EDA: variants seen among roughly 807,000 people sequenced by gnomAD.
The protein encoded by EDA is ectodysplasin-A.
Under a neutral mutation model 23.6 loss-of-function variants are expected in EDA, and 2 were observed. The observed-to-expected ratio is 0.08, with a 90% CI of 0.03 to 0.27. The LOEUF (loss-of-function observed/expected upper bound fraction) is 0.27. EDA is among the 10% of genes least tolerant of loss of function. The probability of loss-of-function intolerance (pLI) is 1.00; values close to 1 mark genes in which losing one functional copy is unlikely to be tolerated. For synonymous variants in EDA, 131 were observed against 132.0 expected (o/e 0.99, Z 0.05); for missense variants, 229 against 324.2 (o/e 0.71, Z 2.26).
intron 1 of EDA, among the ~76,000 whole-genome samples, chrX:69,785,303 G>T (rs778303794): frequency 3.9e-5 from 3 of 77,342 alleles, no homozygotes; most frequent in South Asian, 1.3e-3. Flanking sequence ...CTGCCTAATT[G>T]CCCTGGCCAG....
intron 2 of EDA, among the ~76,000 whole-genome samples, chrX:70,018,491 C>T (rs202098150): frequency 2.7e-5 from 3 of 110,150 alleles, no homozygotes; most frequent in Non-Finnish European, 5.8e-5. Flanking sequence ...TGGTACAGAT[C>T]GAACAATGGA....
chrX:69,896,185 A>T (rs1185646791), intron 1 of EDA, among the ~76,000 whole-genome samples: 1 of 110,899 alleles, frequency 9.0e-6, no homozygotes, highest in African/African-American at 3.3e-5. Flanking sequence ...CTCTCTGTAG[A>T]TTCTAATCTC....
intron 1 of EDA, chrX:69,670,311 T>C (rs1295741026): frequency 2.7e-6 from 1 of 374,170 alleles, no homozygotes; most frequent in Non-Finnish European, 4.6e-6. Context: ...ACTTGACATT[T>C]TTCTCTTGCT....
At chrX:69,838,682 T>C (rs1273542201) in intron 1 of EDA, among the ~76,000 whole-genome samples, 1 of 112,751 alleles carries the variant, frequency 8.9e-6, no homozygotes, top group Non-Finnish European at 1.9e-5. Flanking sequence ...GTCTGGGTCC[T>C]GCTACAGCAC....
intron 2 of EDA, among the ~76,000 whole-genome samples, chrX:69,965,178 T>G (rs1162758060): frequency 1.8e-5 from 2 of 111,685 alleles, no homozygotes; most frequent in Non-Finnish European, 3.8e-5. Context: ...GATGCTATAG[T>G]TAGCCAAATG....
At chrX:69,752,876 A>C (rs1569318898) in intron 1 of EDA, among the ~76,000 whole-genome samples, 1 of 112,055 alleles carries the variant, frequency 8.9e-6, no homozygotes, top group Non-Finnish European at 1.9e-5. Context: ...AGGTGTTTAT[A>C]GTATTCTCTG....
At chrX:69,771,776 C>T (rs2014646166) in intron 1 of EDA, among the ~76,000 whole-genome samples, 2 of 111,829 alleles carry the variant, frequency 1.8e-5, no homozygotes, top group Non-Finnish European at 3.8e-5. Flanking sequence ...GCATGAATCA[C>T]TCTACCAGTG....
chrX:69,960,110 G>A (rs2019077990), intron 2 of EDA, among the ~76,000 whole-genome samples: 1 of 111,691 alleles, frequency 9.0e-6, no homozygotes, highest in African/African-American at 3.3e-5. Flanking sequence ...TGTTTTAACA[G>A]CATTCCTCTG....
chrX:69,911,577 A>G (rs2018266892), intron 1 of EDA, among the ~76,000 whole-genome samples: 1 of 111,910 alleles, frequency 8.9e-6, no homozygotes, highest in Admixed American at 9.5e-5. Flanking sequence ...GGCACACCTC[A>G]GAGATATATT....
At chrX:69,805,917 A>G (rs1490945522) in intron 1 of EDA, among the ~76,000 whole-genome samples, 1 of 111,859 alleles carries the variant, frequency 8.9e-6, no homozygotes, top group East Asian at 2.8e-4. Flanking sequence ...AAGATGAACT[A>G]ACTGAGATTT....
intron 1 of EDA, among the ~76,000 whole-genome samples, chrX:69,689,568 C>G (rs1317150598): frequency 8.1e-5 from 9 of 110,696 alleles, no homozygotes; most frequent in Non-Finnish European, 1.7e-4. Flanking sequence ...AACTCCTGAC[C>G]TCATGATCCA....
intron 1 of EDA, among the ~76,000 whole-genome samples, chrX:69,787,416 G>A (rs2015230240): frequency 9.4e-6 from 1 of 106,387 alleles, no homozygotes. Flanking sequence ...GCATGATTTT[G>A]TGGTGGCTGG....
At chrX:69,875,645 TTAAC>T (rs1241330918) in intron 1 of EDA, among the ~76,000 whole-genome samples, 1 of 111,681 alleles carries the variant, frequency 9.0e-6, no homozygotes, top group African/African-American at 3.3e-5. Flanking sequence ...TGGGACTTAA[TTAAC>T]TAAAGAGCTT....
chrX:69,938,641 G>T (rs2018711214), intron 1 of EDA, among the ~76,000 whole-genome samples: 1 of 111,516 alleles, frequency 9.0e-6, no homozygotes, highest in Admixed American at 9.5e-5. Context: ...TTTTTACTTT[G>T]GTTGCCTGTG....
chrX:69,934,131 C>A (rs1042662525), intron 1 of EDA, among the ~76,000 whole-genome samples: 4 of 111,912 alleles, frequency 3.6e-5, no homozygotes, highest in Non-Finnish European at 5.6e-5. Flanking sequence ...TCAATAAGCC[C>A]CAACTATGTA....
At chrX:70,024,567 C>T (rs756207885) in intron 3 of EDA, among the ~76,000 whole-genome samples, 2 of 112,770 alleles carry the variant, frequency 1.8e-5, no homozygotes, top group African/African-American at 6.4e-5. Context: ...GCACTGCTAC[C>T]TTGTGTACGG....
chrX:69,937,291 C>G, intron 1 of EDA: 1 of 690,504 alleles, frequency 1.4e-6, no homozygotes, highest in Non-Finnish European at 2.4e-6. Context: ...AAGAACATTC[C>G]TCTCATTTTG....
At chrX:69,935,558 A>G (rs1385428993) in intron 1 of EDA, among the ~76,000 whole-genome samples, 1 of 111,821 alleles carries the variant, frequency 8.9e-6, no homozygotes, top group Non-Finnish European at 1.9e-5. Context: ...TGTTTTGTTT[A>G]AAAAGGACCA....
chrX:69,777,406 T>G (rs969863043), intron 1 of EDA, among the ~76,000 whole-genome samples: 2 of 111,097 alleles, frequency 1.8e-5, no homozygotes, highest in Non-Finnish European at 3.8e-5. Flanking sequence ...AGGACCCCAA[T>G]TTATACAACT....
Sources: allele counts gnomAD v4.1 joint callset (sites outside exome capture counted in the v4.1 genomes callset), GRCh38; gene constraint gnomAD v4.1.1; transcripts MANE v1.5; gene names NCBI Gene and HGNC (gene_info 2026-07-23, HGNC 2026-07-21).